The following RSRC1 variants were observed in gnomAD, a reference collection of about 807,000 sequenced individuals.
RSRC1 encodes serine/Arginine-related protein 53.
In RSRC1, 39 loss-of-function variants were observed where a neutral mutation model predicts 49.1. That is an observed-to-expected ratio of 0.79 (90% CI 0.61 to 1.04). The LOEUF (loss-of-function observed/expected upper bound fraction) is 1.04. Ranked by LOEUF, RSRC1 falls within the 50% of genes least tolerant of loss-of-function variation. The pLI, the probability that RSRC1 is intolerant of heterozygous loss-of-function variation, is 0.00. For synonymous variants in RSRC1, 143 were observed against 130.8 expected (o/e 1.09, Z -0.63); for missense variants, 388 against 402.4 (o/e 0.96, Z 0.31).
intron 3 of RSRC1, among the ~76,000 whole-genome samples, chr3:158,137,359 T>C (rs1171978822): frequency 6.6e-6 from 1 of 151,504 alleles, no homozygotes; most frequent in African/African-American, 2.4e-5. Flanking sequence ...GTGATTAATA[T>C]TGAATAAAAG....
At chr3:158,437,456 T>G (rs1736113077) in intron 6 of RSRC1, among the ~76,000 whole-genome samples, 1 of 152,136 alleles carries the variant, frequency 6.6e-6, no homozygotes, top group Admixed American at 6.6e-5. Flanking sequence ...CTCAAAAAGC[T>G]TATTGACCAT....
chr3:158,419,059 G>A (rs4680433), intron 6 of RSRC1, among the ~76,000 whole-genome samples: 78,903 of 151,734 alleles, frequency 0.52, 20,916 homozygotes, highest in South Asian at 0.6. Flanking sequence ...AGTACCTCCC[G>A]ATGGAATTAG....
intron 6 of RSRC1, among the ~76,000 whole-genome samples, chr3:158,442,049 A>C (rs1736406342): frequency 6.6e-6 from 1 of 152,156 alleles, no homozygotes; most frequent in African/African-American, 2.4e-5. Flanking sequence ...TTGTCTAAAA[A>C]ACAATGTACA....
At chr3:158,401,307 C>T (rs1733884039) in intron 6 of RSRC1, among the ~76,000 whole-genome samples, 1 of 151,944 alleles carries the variant, frequency 6.6e-6, no homozygotes, top group Non-Finnish European at 1.5e-5. Flanking sequence ...CAGAAGAGAA[C>T]CCTTTGCTTA....
intron 4 of RSRC1, among the ~76,000 whole-genome samples, chr3:158,259,825 C>T (rs1724789228): frequency 6.6e-6 from 1 of 152,178 alleles, no homozygotes; most frequent in Non-Finnish European, 1.5e-5. Flanking sequence ...TTCCCCTTTT[C>T]TCAAGCTAAG....
chr3:158,252,942 A>G (rs559495700), intron 4 of RSRC1, among the ~76,000 whole-genome samples: 1 of 151,874 alleles, frequency 6.6e-6, no homozygotes, highest in African/African-American at 2.4e-5. Context: ...CTCCTTTTTC[A>G]TCTCTGATTT....
Position 158,212,878 on chromosome 3 carries a change from T to C in RSRC1, c.494+9633T>C, listed in dbSNP as rs1166830283. ...TAAAGCATCTTGAGTATCCCTGATATGAATGATGCTAAACCAAATAGAAGC... is the reference window on the plus strand; with the variant it reads ...TAAAGCATCTTGAGTATCCCTGATACGAATGATGCTAAACCAAATAGAAGC... On this transcript the variant is annotated intron_variant, in intron 4 of 9. Coordinates refer to ENST00000611884, the MANE Select transcript of RSRC1 (RefSeq NM_001271838.2). 3.9e-5 allele frequency among the ~76,000 whole-genome samples: 6 copies of C among 152,134 alleles called. No homozygotes were observed. The East Asian group carries it at 5.8e-4, about 15-fold the overall frequency.
intron 7 of RSRC1, among the ~76,000 whole-genome samples, chr3:158,536,760 A>G (rs1048934366): frequency 7.9e-5 from 12 of 151,622 alleles, no homozygotes; most frequent in African/African-American, 2.6e-4. Flanking sequence ...ATAGAAGCTG[A>G]GCATTGAGTA....
intron 1 of RSRC1, among the ~76,000 whole-genome samples, chr3:158,118,345 C>G (rs1371413624): frequency 6.6e-6 from 1 of 151,718 alleles, no homozygotes; most frequent in African/African-American, 2.4e-5. Flanking sequence ...GGGATCCTCC[C>G]ACCTCAGCTT....
intron 5 of RSRC1, among the ~76,000 whole-genome samples, chr3:158,339,098 C>T (rs1205020372): frequency 6.6e-6 from 1 of 151,928 alleles, no homozygotes; most frequent in Non-Finnish European, 1.5e-5. Context: ...TGAGACCATC[C>T]TGGCTAACAA....
chr3:158,356,416 C>T (rs1020681166), intron 6 of RSRC1, among the ~76,000 whole-genome samples: 2 of 152,050 alleles, frequency 1.3e-5, no homozygotes, highest in Non-Finnish European at 2.9e-5. Context: ...GATCGGTATA[C>T]TAGCTTCCTG....
chr3:158,404,197 T>G (rs886314499), intron 6 of RSRC1, among the ~76,000 whole-genome samples: 3 of 151,890 alleles, frequency 2.0e-5, no homozygotes, highest in Non-Finnish European at 4.4e-5. Context: ...AAATTGTGAT[T>G]GAAATGGGAC....
chr3:158,125,614 G>C (rs1715569455), intron 3 of RSRC1, among the ~76,000 whole-genome samples: 1 of 152,044 alleles, frequency 6.6e-6, no homozygotes, highest in African/African-American at 2.4e-5. Flanking sequence ...TATTAAATTT[G>C]TTAAGACTTG....
chr3:158,290,711 A>G (rs985523807), intron 4 of RSRC1, among the ~76,000 whole-genome samples: 3 of 152,234 alleles, frequency 2.0e-5, no homozygotes, highest in Non-Finnish European at 4.4e-5. Flanking sequence ...GTAATAATGT[A>G]TGTAGTCAGG....
At chr3:158,131,445 G>C (rs1256831878) in intron 3 of RSRC1, among the ~76,000 whole-genome samples, 2 of 152,104 alleles carry the variant, frequency 1.3e-5, no homozygotes, top group Non-Finnish European at 2.9e-5. Context: ...CCCATGGTCA[G>C]CGTGATTTTT....
chr3:158,237,639 A>G (rs1723315082), intron 4 of RSRC1, among the ~76,000 whole-genome samples: 1 of 152,146 alleles, frequency 6.6e-6, no homozygotes, highest in South Asian at 2.1e-4. Flanking sequence ...CCCTTGTATA[A>G]TAATTGTTCA....
At chr3:158,294,145 T>C (rs827126) in intron 4 of RSRC1, among the ~76,000 whole-genome samples, 72,190 of 151,660 alleles carry the variant, frequency 0.48, 17,731 homozygotes, top group East Asian at 0.64. Context: ...CTAGGATTCT[T>C]ATTATATAGA....
At chr3:158,265,327 G>A (rs1725108216) in intron 4 of RSRC1, among the ~76,000 whole-genome samples, 1 of 151,962 alleles carries the variant, frequency 6.6e-6, no homozygotes, top group Admixed American at 6.6e-5. Flanking sequence ...CAAATCTTTT[G>A]CCCATTTAAA....
intron 4 of RSRC1, among the ~76,000 whole-genome samples, chr3:158,231,537 C>A (rs976714545): frequency 6.6e-6 from 1 of 152,084 alleles, no homozygotes; most frequent in African/African-American, 2.4e-5. Context: ...TTTTCTAATT[C>A]TCTGGTCACG....
Sources: gnomAD v4.1 joint callset for allele counts (sites outside exome capture counted in the v4.1 genomes callset) on GRCh38, gnomAD v4.1.1 for gene constraint, MANE v1.5 for transcripts, NCBI Gene and HGNC (gene_info 2026-07-23, HGNC 2026-07-21) for gene names.